Variants in SLC15A1 observed in about 807,000 individuals in gnomAD.
SLC15A1 encodes the protein solute carrier family 15 member 1.
SLC15A1 carries 83 observed loss-of-function variants against 92.9 expected under a neutral mutation model. That is an observed-to-expected ratio of 0.89 (90% CI 0.75 to 1.07). The LOEUF is 1.07. SLC15A1 is among the 50% of genes least tolerant of loss of function. The pLI, the probability that SLC15A1 is intolerant of heterozygous loss-of-function variation, is 0.00. For synonymous variants in SLC15A1, 322 were observed against 318.2 expected (o/e 1.01, Z -0.13); for missense variants, 857 against 880.1 (o/e 0.97, Z 0.33).
At position 98,738,561 on chromosome 13, in the gene SLC15A1, C is replaced by T. The variant is rs117623551; in HGVS notation, c.5-11702G>A. Among the ~76,000 whole-genome samples the T allele has an allele frequency of 1.1e-4, 17 of 152,400 alleles. No individual in the cohort carries two copies. In the East Asian group the frequency reaches 3.1e-3, roughly 28 times the overall value. On this transcript the variant is annotated intron_variant, in intron 1 of 22. Transcript: ENST00000376503. ...CAAAGGGCCCAAGATACAGCCCAGGCTGCTGCTTCAGAGGGTGCAAGCCAT... is the reference window on the plus strand; with the variant it reads ...CAAAGGGCCCAAGATACAGCCCAGGTTGCTGCTTCAGAGGGTGCAAGCCAT...
chr13:98,746,097 G>A (rs371140003), intron 1 of SLC15A1, among the ~76,000 whole-genome samples: 1 of 152,022 alleles, frequency 6.6e-6, no homozygotes, highest in Non-Finnish European at 1.5e-5. Flanking sequence ...TCATCATTTC[G>A]CTGCTGCTTA....
At chr13:98,719,398 C>G in intron 7 of SLC15A1, 78 bp from the exon 8 acceptor site, 1 of 1,011,522 alleles carries the variant, frequency 9.9e-7, no homozygotes, top group Non-Finnish European at 1.6e-6. Flanking sequence ...AGATCCCTCA[C>G]TGATAATTAC....
rs773775385 is a variant in SLC15A1 at position 98,684,877 on chromosome 13, G to T, written c.1974C>A (p.Val658=). ...EYILFAALLL[V]VCVIFAIMAR... ...CCATGATGGCAAAAATTACACAGAC[G>T]ACCAGAAGCAACGCGGCAAATAGAA... The change falls in exon 23 of 23, where the codon GTC becomes GTA. Residue 658 remains valine (V), a synonymous_variant. Coordinates refer to ENST00000376503, the MANE Select transcript of SLC15A1 (RefSeq NM_005073.4). 1.9e-5 allele frequency: 30 copies of T among 1,613,858 alleles called. No individual in the cohort carries two copies. Among genetic ancestry groups the T allele is most frequent in the Non-Finnish European group, 2.5e-5 (29 of 1,179,940 alleles).
chr13:98,708,882 T>A (rs1039383382), intron 14 of SLC15A1, 115 bp from the exon 15 acceptor site: 1 of 596,664 alleles, frequency 1.7e-6, no homozygotes, highest in Non-Finnish European at 2.8e-6. Flanking sequence ...AACATGGGCT[T>A]GAAAGCACCT....
rs1352800759 is a variant in SLC15A1 at position 98,688,272 on chromosome 13, A to G, written c.1659T>C (p.Ala553=). Residue 553 remains alanine, a synonymous_variant, in exon 20 of 23, where the codon GCT becomes GCC. Coordinates refer to ENST00000376503, the MANE Select transcript of SLC15A1 (RefSeq NM_005073.4). ...FNTFYLEFGS[A]YTYIVQRKND... ...CCTTCCTTTGGACTATATAGGTATA[A>G]GCACTACCAAATTCAAGGTAGAAAG... 6.2e-7 allele frequency: 1 copy of G among 1,613,204 alleles called. No individual in the cohort carries two copies. The highest frequency in any genetic ancestry group is 2.2e-5 in the East Asian group (1 of 44,830).
intron 1 of SLC15A1, among the ~76,000 whole-genome samples, chr13:98,745,253 C>T (rs2139613733): frequency 6.6e-6 from 1 of 152,312 alleles, no homozygotes; most frequent in South Asian, 2.1e-4. Flanking sequence ...AGGAACTGGT[C>T]ACCAGACATA....
intron 1 of SLC15A1, among the ~76,000 whole-genome samples, chr13:98,730,913 T>C (rs368237148): frequency 1.8e-4 from 28 of 152,306 alleles, no homozygotes; most frequent in African/African-American, 6.3e-4. Context: ...CCCAGGTCCT[T>C]TGGCCAACAG....
chr13:98,745,113 A>G (rs7998137), intron 1 of SLC15A1, among the ~76,000 whole-genome samples: 123,877 of 152,080 alleles, frequency 0.81, 50,476 homozygotes, highest in African/African-American at 0.82. Flanking sequence ...TTTTAGAACT[A>G]GAGGTAAATC....
chr13:98,730,277 AAGGGGAGGGG>A (rs1457819984), intron 1 of SLC15A1, among the ~76,000 whole-genome samples: 46 of 11,402 alleles, frequency 4.0e-3, no homozygotes, highest in Admixed American at 0.012. Context: ...AGGGGAGGGG[AAGGGGAGGGG>A]AAGGGGAGGG....
chr13:98,687,227 G>A (rs1436050167), intron 21 of SLC15A1, among the ~76,000 whole-genome samples: 7 of 152,068 alleles, frequency 4.6e-5, no homozygotes, highest in Admixed American at 1.3e-4. Flanking sequence ...ACCTGTAATT[G>A]AGCTGTTTTA....
At chr13:98,714,653 CA>C (rs11378347) in intron 9 of SLC15A1, among the ~76,000 whole-genome samples, 2,532 of 94,266 alleles carry the variant, frequency 0.027, 45 homozygotes, top group African/African-American at 0.095. Context: ...GACTCCATCT[CA>C]AAAAAAAAAA....
chr13:98,750,974 C>T (rs2088540510), intron 1 of SLC15A1, among the ~76,000 whole-genome samples: 1 of 151,976 alleles, frequency 6.6e-6, no homozygotes, highest in Non-Finnish European at 1.5e-5. Flanking sequence ...AGGTTGGTCT[C>T]GAACTCCTGA....
At chr13:98,716,253 A>T (rs1178869968) in intron 8 of SLC15A1, among the ~76,000 whole-genome samples, 3 of 152,228 alleles carry the variant, frequency 2.0e-5, no homozygotes, top group Non-Finnish European at 4.4e-5. Context: ...TTTAAGCACA[A>T]GTTCTATCTC....
chr13:98,717,982 T>C (rs1336688666), intron 8 of SLC15A1, among the ~76,000 whole-genome samples: 2 of 151,524 alleles, frequency 1.3e-5, no homozygotes, highest in South Asian at 2.1e-4. Context: ...AATGTGCCAA[T>C]GAATGCCTCG....
At chr13:98,692,136 C>CTTTTTTTTTT (rs528865683) in intron 18 of SLC15A1, among the ~76,000 whole-genome samples, 2 of 67,642 alleles carry the variant, frequency 3.0e-5, no homozygotes, top group Non-Finnish European at 6.3e-5. Context: ...TTCTCCTAAA[C>CTTTTTTTTTT]TTTTTTTTTT....
intron 8 of SLC15A1, among the ~76,000 whole-genome samples, 161 bp downstream of exon 8, chr13:98,719,076 C>A (rs7990232): frequency 0.011 from 1,686 of 152,326 alleles, 27 homozygotes; most frequent in African/African-American, 0.036. Flanking sequence ...GCCAATCCTA[C>A]TTTCTTTGAA....
chr13:98,727,160 C>T (rs578194337), intron 1 of SLC15A1, among the ~76,000 whole-genome samples: 25 of 152,334 alleles, frequency 1.6e-4, no homozygotes, highest in African/African-American at 3.8e-4. Context: ...GGCCGCCCAT[C>T]GGGATAAAAT....
chr13:98,729,837 C>T (rs1171370015), intron 1 of SLC15A1, among the ~76,000 whole-genome samples: 1 of 152,232 alleles, frequency 6.6e-6, no homozygotes, highest in East Asian at 1.9e-4. Flanking sequence ...CCCTCCTGAT[C>T]TGTCAGCCTG....
chr13:98,721,945 G>C (rs772920727), intron 5 of SLC15A1, 42 bp from the exon 6 acceptor site: 1 of 1,525,382 alleles, frequency 6.6e-7, no homozygotes, highest in South Asian at 1.2e-5. Flanking sequence ...GCAGATCCTC[G>C]CAAGTAGAAG....
Sources: gnomAD v4.1 joint callset for allele counts (sites outside exome capture counted in the v4.1 genomes callset) on GRCh38, gnomAD v4.1.1 for gene constraint, MANE v1.5 for transcripts, NCBI Gene and HGNC (gene_info 2026-07-23, HGNC 2026-07-21) for gene names.